The following BAK1 variants were observed in gnomAD, a reference collection of about 807,000 sequenced individuals.
The protein encoded by BAK1 is BCL2 antagonist/killer 1, also known as bcl-2 homologous antagonist/killer.
A neutral mutation model predicts 24.7 loss-of-function variants in BAK1; 19 were observed. The observed-to-expected ratio is 0.77, with a 90% CI of 0.54 to 1.13. The LOEUF is 1.13. BAK1 is among the 50% of genes most tolerant of loss of function. BAK1 has a pLI of 0.00. For missense variants in BAK1, 194 were observed against 279.4 expected (o/e 0.69, Z 2.18); for synonymous variants, 86 against 107.3 (o/e 0.80, Z 1.23).
intron 2 of BAK1, 97 bp from the exon 3 acceptor site, chr6:33,576,025 C>T (rs1762839629): frequency 6.5e-7 from 1 of 1,539,388 alleles, no homozygotes; most frequent in African/African-American, 1.4e-5. Context: ...TAGCTGTCCT[C>T]ACCCATGGAA....
Position 33,575,505 on chromosome 6 carries a change from A to T in BAK1, c.207-64T>A, listed in dbSNP as rs1159370853. On this transcript the variant is annotated intron_variant, in intron 3 of 5. Transcript: ENST00000374467. The surrounding 1 kb of genome is among the most constrained non-coding windows in gnomAD (Gnocchi z 6.3). ...GGCAGTCGGGACCAGGCCCTGGCTC[A>T]TGGCAGAGGGGTTCTGCCTGAGCTG... 3.1e-6 allele frequency: 5 copies of T among 1,605,334 alleles called. No homozygotes were observed. The highest frequency in any genetic ancestry group is 4.3e-6 in the Non-Finnish European group (5 of 1,175,046).
chr6:33,580,128 C>T lies in BAK1; in HGVS notation c.-135G>A, dbSNP rs1762912475. 3 of 152,366 alleles carry T rather than the reference C, an allele frequency of 2.0e-5. No homozygotes were observed. In the South Asian group the frequency reaches 6.2e-4, roughly 32 times the overall value. 9.4% of individuals were successfully genotyped at this position (152,366 alleles called of 1,614,324 possible). On this transcript the variant is annotated 5_prime_UTR_variant, in exon 1 of 6. An upstream open reading frame in the 5' UTR gains an earlier in-frame stop. Transcript: ENST00000374467. ...CAGGGGCTGAGTGGGAGCCCAGTTT[C>T]CAGGAATGGGCGTCAGTGCATTCCC...
At position 33,575,679 on chromosome 6, in the gene BAK1, TGA is replaced by T. The variant is rs772389399; in HGVS notation, c.206+112_206+113del. The T allele has an allele frequency of 1.3e-5, 19 of 1,481,872 alleles. No individual in the cohort carries two copies. Among genetic ancestry groups the T allele is most frequent in the Admixed American group, 2.0e-5 (1 of 49,556 alleles). 91.8% of individuals were successfully genotyped at this position (1,481,872 alleles called of 1,614,324 possible). On this transcript the variant is annotated intron_variant, in intron 3 of 5. Coordinates refer to ENST00000374467, the MANE Select transcript of BAK1 (RefSeq NM_001188.4). This position sits in a 1 kb window ranked among gnomAD's most constrained non-coding sequence, Gnocchi z 6.3. The stretch of plus-strand genomic sequence containing the variant: ...GCCCAACATAAAAGAGGAGCAACCA[TGA>T]GAGAAGGGCAAGACCCCCGAGGCCT...
At chr6:33,576,666 A>C (rs1397710985) in intron 2 of BAK1, among the ~76,000 whole-genome samples, 2 of 148,374 alleles carry the variant, frequency 1.3e-5, no homozygotes, top group South Asian at 2.1e-4. Context: ...ACAACAACAA[A>C]AAAAACAAAA....
At position 33,575,885 on chromosome 6, in the gene BAK1, G is replaced by A. The variant is rs372257626; in HGVS notation, c.114C>T (p.Tyr38=). 17 of 1,614,022 alleles carry A rather than the reference G, an allele frequency of 1.1e-5. No individual in the cohort carries two copies. The highest frequency in any genetic ancestry group is 8.9e-5 in the East Asian group (4 of 44,890). The change falls in exon 3 of 6, where the codon TAC becomes TAT. Residue 38 remains tyrosine, a synonymous_variant. Transcript: ENST00000374467. This position sits in a 1 kb window ranked among gnomAD's most constrained non-coding sequence, Gnocchi z 6.3. ...GTTCCTGCTGATGGCGGTAAAAAAC[G>A]TAGCTGCGGAAAACCTCCTCTGTGT... is the stretch of plus-strand genomic sequence containing the variant. ...AQDTEEVFRS[Y]VFYRHQQEQE...
intron 4 of BAK1, 124 bp from the exon 5 acceptor site, chr6:33,574,338 A>G: frequency 1.4e-6 from 2 of 1,442,734 alleles, no homozygotes; most frequent in Non-Finnish European, 1.9e-6. Context: ...AAGGCCGCAG[A>G]GGCTGCCCCA....
At position 33,577,533 on chromosome 6, in the gene BAK1, A is replaced by G; in HGVS notation, c.70+2T>C. ...TGGGTGAGGGGGCAGGAAGACCCTTACCAGAAGCAGAGGGCAGGGCAGGCT... is the reference window on the plus strand; with the variant it reads ...TGGGTGAGGGGGCAGGAAGACCCTTGCCAGAAGCAGAGGGCAGGGCAGGCT... On this transcript the variant is annotated splice_donor_variant, in intron 2 of 5. Coordinates refer to ENST00000374467, the MANE Select transcript of BAK1 (RefSeq NM_001188.4). LOFTEE classifies it high-confidence loss of function. This position sits in a 1 kb window ranked among gnomAD's most constrained non-coding sequence, Gnocchi z 4.6. The G allele has an allele frequency of 6.5e-7, 1 of 1,531,674 alleles. No individual in the cohort carries two copies. The highest frequency in any genetic ancestry group is 8.8e-7 in the Non-Finnish European group (1 of 1,131,094). The allele number at this position is 1,531,674 out of a possible 1,614,324, so 94.9% of individuals were successfully genotyped here.
rs1204145359 is a variant in BAK1, at chr6:33,577,257, C to T, written c.70+278G>A. Among the ~76,000 whole-genome samples the T allele has an allele frequency of 6.6e-6, 1 of 152,184 alleles. No homozygotes were observed. Among genetic ancestry groups the T allele is most frequent in the African/African-American group, 2.4e-5 (1 of 41,440 alleles). On this transcript the variant is annotated intron_variant, in intron 2 of 5. Coordinates refer to ENST00000374467, the MANE Select transcript of BAK1 (RefSeq NM_001188.4). The surrounding 1 kb of genome is among the most constrained non-coding windows in gnomAD (Gnocchi z 4.6). ...GCCCCACTCTAATTCCTGCCTCCCT[C>T]GCCCGTGACCCAGCCCTCTGCCCCG...
intron 4 of BAK1, chr6:33,574,468 A>AG (rs1258526195): frequency 6.7e-7 from 1 of 1,491,336 alleles, no homozygotes. Context: ...GAGAGGGCAG[A>AG]GGGCAGAGCA....
At chr6:33,574,602 G>A in intron 4 of BAK1, 1 of 1,245,428 alleles carries the variant, frequency 8.0e-7, no homozygotes, top group Non-Finnish European at 1.1e-6. Context: ...TGGTATGAAG[G>A]CTGGCCTCTA....
In BAK1 at chr6:33,575,367, TG is replaced by T. The variant is rs1238547388; in HGVS notation, c.280del (p.Gln94ArgfsTer54). The T allele has an allele frequency of 6.2e-7, 1 of 1,614,086 alleles. No individual in the cohort carries two copies. The highest frequency in any genetic ancestry group is 8.5e-7 in the Non-Finnish European group (1 of 1,180,046). The stretch of plus-strand genomic sequence containing the variant: ...GGGCTGCAGGTGCTGCAACATGGTC[TG>T]GAACTCTGAGTCATAGCGTCGGTTG... ...DINRRYDSEF[Q>X]TMLQHLQPTA... On this transcript the variant is annotated frameshift_variant, in exon 4 of 6. Coordinates refer to ENST00000374467, the MANE Select transcript of BAK1 (RefSeq NM_001188.4). LOFTEE classifies it high-confidence loss of function. The surrounding 1 kb of genome is among the most constrained non-coding windows in gnomAD (Gnocchi z 6.3).
Position 33,575,184 on chromosome 6 carries a change from G to A in BAK1, c.350+114C>T, listed in dbSNP as rs1388641379. 3 of 1,493,298 alleles carry A rather than the reference G, an allele frequency of 2.0e-6. No homozygotes were observed. The highest frequency in any genetic ancestry group is 2.8e-6 in the Non-Finnish European group (3 of 1,073,694). The allele number at this position is 1,493,298 out of a possible 1,614,324, so 92.5% of individuals were successfully genotyped here. On this transcript the variant is annotated intron_variant, in intron 4 of 5. Transcript: ENST00000374467. This position sits in a 1 kb window ranked among gnomAD's most constrained non-coding sequence, Gnocchi z 6.3. Reference sequence around the variant, plus strand: ...ACATGTGAGTTCACAGCAGACATTGGACACTGACAGAAGGCTTCTCCCCAT... The same window carrying A: ...ACATGTGAGTTCACAGCAGACATTGAACACTGACAGAAGGCTTCTCCCCAT...
rs766540475 is a variant in BAK1, at chr6:33,575,347, G to T, written c.301C>A (p.Gln101Lys). 6.8e-6 allele frequency: 11 copies of T among 1,614,112 alleles called. No individual in the cohort carries two copies. In the South Asian group the frequency reaches 8.8e-5, roughly 13 times the overall value. The change falls in exon 4 of 6, where the codon CAG becomes AAG. Residue 101 changes from glutamine (Q) to lysine (K), a missense_variant. Physicochemically the swap from Gln to Lys is moderately conservative, Grantham distance 53 (BLOSUM62 1). Transcript: ENST00000374467. This position sits in a 1 kb window ranked among gnomAD's most constrained non-coding sequence, Gnocchi z 6.3. Reference sequence around the variant, plus strand: ...TCATAGGCATTCTCTGCCGTGGGCTGCAGGTGCTGCAACATGGTCTGGAAC... The same window carrying T: ...TCATAGGCATTCTCTGCCGTGGGCTTCAGGTGCTGCAACATGGTCTGGAAC... The part of the protein sequence containing the change: ...SEFQTMLQHL[Q>K]PTAENAYEYF...
At chr6:33,579,375 C>T (rs1470788652) in intron 1 of BAK1, among the ~76,000 whole-genome samples, 2 of 152,022 alleles carry the variant, frequency 1.3e-5, no homozygotes, top group Admixed American at 6.6e-5. Context: ...TTTTGCTTGC[C>T]TCCCACCCCC....
At position 33,574,142 on chromosome 6, in the gene BAK1, G is replaced by A. The variant is rs1366917844; in HGVS notation, c.423C>T (p.His141=). Residue 141 remains histidine, a synonymous_variant, in exon 5 of 6, where the codon CAC becomes CAT. Transcript: ENST00000374467. ...AGCCAGTCAGGCCATGCTGGTAGAC[G>A]TGTAGGGCCAGACGGTAGCCGAAGC... ...LLGFGYRLAL[H]VYQHGLTGFL... is the part of the protein sequence containing the mutation. The A allele has an allele frequency of 6.8e-6, 11 of 1,614,062 alleles. No homozygotes were observed. Among genetic ancestry groups the A allele is most frequent in the African/African-American group, 2.7e-5 (2 of 74,928 alleles).
Position 33,574,122 on chromosome 6 carries a change from G to T in BAK1, c.443C>A (p.Thr148Asn). 2 of 1,614,240 alleles carry T rather than the reference G, an allele frequency of 1.2e-6. No homozygotes were observed. Among genetic ancestry groups the T allele is most frequent in the African/African-American group, 2.7e-5 (2 of 75,076 alleles). ...LALHVYQHGL[T>N]GFLGQVTRFV... ...GCGGGTCACCTGGCCTAGGAAGCCA[G>T]TCAGGCCATGCTGGTAGACGTGTAG... The change falls in exon 5 of 6, where the codon ACT becomes AAT. Residue 148 changes from threonine (T) to asparagine (N), a missense_variant. Coordinates refer to ENST00000374467, the MANE Select transcript of BAK1 (RefSeq NM_001188.4).
intron 4 of BAK1, 125 bp from the exon 5 acceptor site, chr6:33,574,339 G>A: frequency 6.9e-7 from 1 of 1,445,044 alleles, no homozygotes; most frequent in Non-Finnish European, 9.4e-7. Context: ...AGGCCGCAGA[G>A]GCTGCCCCAA....
chr6:33,575,417 C>A lies in BAK1; in HGVS notation c.231G>T (p.Gln77His), dbSNP rs763976645. The change falls in exon 4 of 6, where the codon CAG (glutamine) becomes CAT (histidine). Residue 77 changes from glutamine (Q) to histidine (H), a missense_variant. By Grantham distance (24) the Gln-to-His change is conservative. Coordinates refer to ENST00000374467, the MANE Select transcript of BAK1 (RefSeq NM_001188.4). The surrounding 1 kb of genome is among the most constrained non-coding windows in gnomAD (Gnocchi z 6.3). The part of the protein sequence containing the change: ...PSSTMGQVGR[Q>H]LAIIGDDINR... Reference sequence around the variant, plus strand: ...TGATGTCGTCCCCGATGATGGCGAGCTGCCGTCCCACCTGCCCCATGGTGC... The same window carrying A: ...TGATGTCGTCCCCGATGATGGCGAGATGCCGTCCCACCTGCCCCATGGTGC... 6 of 1,613,844 alleles carry A rather than the reference C, an allele frequency of 3.7e-6. No individual in the cohort carries two copies. The highest frequency in any genetic ancestry group is 5.1e-6 in the Non-Finnish European group (6 of 1,180,050).
chr6:33,574,249 G>A (rs1231895007), intron 4 of BAK1, 35 bp from the exon 5 acceptor site: 2 of 1,598,294 alleles, frequency 1.3e-6, no homozygotes, highest in Non-Finnish European at 1.7e-6. Context: ...TTGGTGGAGA[G>A]CCCCCAGGAA....
Sources: gnomAD v4.1 joint callset for allele counts (sites outside exome capture counted in the v4.1 genomes callset) on GRCh38, gnomAD v4.1.1 for gene constraint, Gnocchi (gnomAD v3.1) non-coding constraint, MANE v1.5 for transcripts, NCBI Gene and HGNC (gene_info 2026-07-23, HGNC 2026-07-21) for gene names.